VWA8: variants seen among roughly 807,000 people sequenced by gnomAD.
The protein encoded by VWA8 is von Willebrand factor A domain-containing protein 8.
Under a neutral mutation model 241.5 loss-of-function variants are expected in VWA8, and 221 were observed. The observed-to-expected ratio is 0.91, with a 90% CI of 0.82 to 1.02. The LOEUF is 1.02. VWA8 is among the 50% of genes least tolerant of loss of function. The pLI is 0.00. For missense variants in VWA8, 2,322 were observed against 2,328.7 expected, an observed-to-expected ratio of 1.00 and a Z score of 0.06; for synonymous variants, 852 against 827.1, an observed-to-expected ratio of 1.03 and a Z score of -0.52.
At chr13:41,595,840 G>T (rs762181332) in intron 40 of VWA8, among the ~76,000 whole-genome samples, 2 of 152,078 alleles carry the variant, frequency 1.3e-5, no homozygotes, top group African/African-American at 4.8e-5. Flanking sequence ...TGCATATTTC[G>T]TTGTGTGGAA....
At chr13:41,568,401 G>A in intron 44 of VWA8, 96 bp from the exon 45 acceptor site, 1 of 944,432 alleles carries the variant, frequency 1.1e-6, no homozygotes, top group Non-Finnish European at 1.6e-6. Context: ...TGGTTTCTTA[G>A]GAAAGGAAGT....
chr13:41,897,845 C>T (rs998345648), intron 4 of VWA8, among the ~76,000 whole-genome samples: 4 of 152,080 alleles, frequency 2.6e-5, no homozygotes, highest in Non-Finnish European at 4.4e-5. Flanking sequence ...GGGACCCGAG[C>T]GGGTTGCCAC....
intron 14 of VWA8, among the ~76,000 whole-genome samples, chr13:41,828,959 A>G (rs1340851043): frequency 1.3e-5 from 2 of 152,176 alleles, no homozygotes; most frequent in African/African-American, 2.4e-5. Context: ...ATAAGCTACA[A>G]TGGGTAATCC....
chr13:41,766,611 C>T (rs1475639125), intron 20 of VWA8, among the ~76,000 whole-genome samples: 1 of 152,188 alleles, frequency 6.6e-6, no homozygotes, highest in Non-Finnish European at 1.5e-5. Context: ...TACAATAGCT[C>T]ATCCTTGCCC....
chr13:41,897,788 A>G (rs1003388593), intron 4 of VWA8, among the ~76,000 whole-genome samples: 1 of 152,120 alleles, frequency 6.6e-6, no homozygotes, highest in African/African-American at 2.4e-5. Context: ...GGCAGTAGCA[A>G]GATTTATTGC....
At chr13:41,889,045 A>G (rs901637020) in intron 5 of VWA8, among the ~76,000 whole-genome samples, 4 of 152,236 alleles carry the variant, frequency 2.6e-5, no homozygotes, top group African/African-American at 9.6e-5. Context: ...TGAACTTTGT[A>G]TCTCTTTCCA....
At chr13:41,895,359 T>A (rs1875047746) in intron 4 of VWA8, among the ~76,000 whole-genome samples, 2 of 152,074 alleles carry the variant, frequency 1.3e-5, no homozygotes, top group South Asian at 4.1e-4. Flanking sequence ...CTAAAAAAAG[T>A]CATTAAATAA....
At chr13:41,914,639 C>T (rs1478781691) in intron 2 of VWA8, among the ~76,000 whole-genome samples, 1 of 152,198 alleles carries the variant, frequency 6.6e-6, no homozygotes, top group Non-Finnish European at 1.5e-5. Context: ...TGATATCAAA[C>T]ATATAATTAA....
intron 42 of VWA8, among the ~76,000 whole-genome samples, chr13:41,579,518 T>C (rs1204106673): frequency 6.6e-6 from 1 of 152,220 alleles, no homozygotes; most frequent in Non-Finnish European, 1.5e-5. Context: ...ACCTTGTTTC[T>C]ACCTTGTAAA....
chr13:41,869,502 C>T (rs1311204661), intron 9 of VWA8, among the ~76,000 whole-genome samples: 1 of 151,568 alleles, frequency 6.6e-6, no homozygotes, highest in Non-Finnish European at 1.5e-5. Context: ...CATGGTGGCA[C>T]GCACCTGTAG....
chr13:41,950,077 A>G (rs1593892218), intron 1 of VWA8, 64 bp from the exon 2 acceptor site: 1 of 1,002,176 alleles, frequency 1.0e-6, no homozygotes, highest in East Asian at 2.7e-5. Context: ...TAGACTATGC[A>G]ACAATGCTTG....
At chr13:41,898,576 CTGGCA>C (rs1170255494) in intron 4 of VWA8, among the ~76,000 whole-genome samples, 1 of 152,264 alleles carries the variant, frequency 6.6e-6, no homozygotes, top group Non-Finnish European at 1.5e-5. Context: ...GCGCCATGCG[CTGGCA>C]CTCCTCAGCC....
intron 21 of VWA8, among the ~76,000 whole-genome samples, chr13:41,740,370 T>C (rs912694820): frequency 1.3e-5 from 2 of 152,226 alleles, no homozygotes; most frequent in African/African-American, 4.8e-5. Context: ...ATATACCTAG[T>C]TTCTTTCAAT....
chr13:41,901,108 A>ATTTTTT (rs34752001), intron 4 of VWA8, among the ~76,000 whole-genome samples: 1 of 123,580 alleles, frequency 8.1e-6, no homozygotes, highest in Non-Finnish European at 1.7e-5. Context: ...CATGATCATC[A>ATTTTTT]TTTTTTTTTT....
intron 17 of VWA8, among the ~76,000 whole-genome samples, chr13:41,809,845 A>T (rs1870385874): frequency 6.6e-6 from 1 of 152,184 alleles, no homozygotes; most frequent in Non-Finnish European, 1.5e-5. Context: ...AAATATTTGC[A>T]AATCATCCAT....
At chr13:41,774,990 G>A (rs547308926) in intron 20 of VWA8, among the ~76,000 whole-genome samples, 1 of 152,180 alleles carries the variant, frequency 6.6e-6, no homozygotes, top group African/African-American at 2.4e-5. Context: ...AAAGGTAAGA[G>A]AAAGAAGAGA....
Position 41,721,435 on chromosome 13 carries a change from C to A in VWA8, c.2899G>T (p.Asp967Tyr). Residue 967 changes from aspartate (D) to tyrosine (Y), a missense_variant, in exon 25 of 45, where the codon GAC becomes TAC. By Grantham distance (160) the Asp-to-Tyr change is radical (BLOSUM62 -3). Transcript: ENST00000379310. The stretch of plus-strand genomic sequence containing the variant: ...TAAGGATAGTTAATAATCCCTTGGT[C>A]AGCCAAACTCCTCAGCTCTCCAAAG... ...AAFGELRSLADQGIINYPYST... is the reference protein window; with the variant it reads ...AAFGELRSLAYQGIINYPYST... 1 of 1,613,880 alleles carries A rather than the reference C, an allele frequency of 6.2e-7. No individual in the cohort carries two copies. Among genetic ancestry groups the A allele is most frequent in the South Asian group, 1.1e-5 (1 of 91,060 alleles).
intron 12 of VWA8, among the ~76,000 whole-genome samples, chr13:41,864,378 G>T (rs1032730545): frequency 6.6e-6 from 1 of 152,110 alleles, no homozygotes; most frequent in East Asian, 1.9e-4. Context: ...GTTCACAGCA[G>T]AATTACTTAC....
chr13:41,643,718 G>C (rs1751240491), intron 37 of VWA8, among the ~76,000 whole-genome samples: 1 of 152,180 alleles, frequency 6.6e-6, no homozygotes, highest in Admixed American at 6.5e-5. Context: ...GAGGCAGTGT[G>C]AGTGGAGCTG....
Sources: allele counts gnomAD v4.1 joint callset (sites outside exome capture counted in the v4.1 genomes callset), GRCh38; gene constraint gnomAD v4.1.1; transcripts MANE v1.5; gene names NCBI Gene and HGNC (gene_info 2026-07-23, HGNC 2026-07-21).